Variants in BCAR3 observed in about 807,000 individuals in gnomAD.
BCAR3 encodes the protein breast cancer anti-estrogen resistance protein 3.
In BCAR3, 37 loss-of-function variants were observed where a neutral mutation model predicts 80.1. The ratio of observed to expected loss-of-function variants is 0.46; its 90% confidence interval spans 0.36 to 0.61. The LOEUF (loss-of-function observed/expected upper bound fraction) is 0.61, where lower values mean the gene tolerates loss of function less well. Among genes scored for constraint, BCAR3 ranks in the 20% least tolerant of loss-of-function variants. BCAR3 has a pLI of 0.00. For missense variants in BCAR3, 978 were observed against 1,068.2 expected, an observed-to-expected ratio of 0.92 and a Z score of 1.18; for synonymous variants, 389 against 418.9, an observed-to-expected ratio of 0.93 and a Z score of 0.87.
rs1653750835 is a variant in BCAR3, at chr1:93,809,345, TCAAAA to T, written c.-63+36217_-63+36221del. On this transcript the variant is annotated intron_variant, in intron 2 of 13. Transcript: ENST00000370244. ...TGTTGGAGGTAACCACCAAAAAAAC[TCAAAA>T]CAAAACAAAAATGCTTAAAATTTTC... is the stretch of plus-strand genomic sequence containing the variant. Among the ~76,000 whole-genome samples, 4 of 143,440 alleles carry T rather than the reference TCAAAA, an allele frequency of 2.8e-5. No individual in the cohort carries two copies. The East Asian group carries it at 6.2e-4, about 22-fold the overall frequency. The allele number at this position is 143,440 out of a possible 152,430, so 94.1% of individuals were successfully genotyped here.
At position 93,845,502 on chromosome 1, in the gene BCAR3, A is replaced by ATATATATATATGTCATGTTGTCAAG; in HGVS notation, c.-63+64_-63+65insCTTGACAACATGACATATATATATA. On this transcript the variant is annotated intron_variant, in intron 2 of 13. Transcript: ENST00000370244. The stretch of plus-strand genomic sequence containing the variant: ...TATATATATATATATATATATATAT[A>ATATATATATATGTCATGTTGTCAAG]AAACTTTGTTTACATTAGAGTATAA... 3 of 113,822 alleles carry ATATATATATATGTCATGTTGTCAAG rather than the reference A, an allele frequency of 2.6e-5. 1 individual carries two copies. The highest frequency in any genetic ancestry group is 1.1e-4 in the African/African-American group (3 of 28,374). The allele number at this position is 113,822 out of a possible 1,614,324, so 7.1% of individuals were successfully genotyped here.
At chr1:93,659,025 C>T (rs1647526507) in intron 2 of BCAR3, among the ~76,000 whole-genome samples, 1 of 152,198 alleles carries the variant, frequency 6.6e-6, no homozygotes, top group Admixed American at 6.5e-5. Flanking sequence ...GTGCCCTCCA[C>T]AGGCAAACTG....
chr1:93,728,452 C>A (rs556218263), intron 2 of BCAR3, among the ~76,000 whole-genome samples: 1 of 152,370 alleles, frequency 6.6e-6, no homozygotes, highest in Admixed American at 6.5e-5. Flanking sequence ...AGACCCTCTA[C>A]CCTGTTGCAA....
At chr1:93,839,694 A>G (rs1425287633) in intron 2 of BCAR3, among the ~76,000 whole-genome samples, 1 of 151,380 alleles carries the variant, frequency 6.6e-6, no homozygotes, top group Non-Finnish European at 1.5e-5. Context: ...AAAAGGTCAT[A>G]GTTTCCTCTG....
intron 3 of BCAR3, among the ~76,000 whole-genome samples, chr1:93,615,446 G>A (rs1675087087): frequency 6.6e-6 from 1 of 152,200 alleles, no homozygotes; most frequent in African/African-American, 2.4e-5. Flanking sequence ...CAGCGAGTGT[G>A]GGCGATGACT....
intron 3 of BCAR3, chr1:93,599,820 C>CA (rs1191812736): frequency 6.6e-6 from 1 of 152,266 alleles, no homozygotes; most frequent in Non-Finnish European, 1.5e-5. Flanking sequence ...CTTCTGTCCT[C>CA]ATTACCTGAA....
chr1:93,703,661 T>C (rs1486466980), intron 3 of BCAR3, among the ~76,000 whole-genome samples: 4 of 152,186 alleles, frequency 2.6e-5, no homozygotes, highest in Admixed American at 2.6e-4. Flanking sequence ...TGTAATTTGG[T>C]TTACAGAGTG....
At chr1:93,573,955 T>C (rs1391892117) in intron 8 of BCAR3, among the ~76,000 whole-genome samples, 3 of 152,154 alleles carry the variant, frequency 2.0e-5, no homozygotes, top group East Asian at 1.9e-4. Context: ...TTGGAAGAGT[T>C]TTCTTATCCA....
chr1:93,721,418 TC>T (rs973768171), intron 2 of BCAR3, among the ~76,000 whole-genome samples: 1 of 151,982 alleles, frequency 6.6e-6, no homozygotes, highest in African/African-American at 2.4e-5. Flanking sequence ...AACTCAAATG[TC>T]CCCTCCCCTG....
At chr1:93,619,189 G>A (rs1424706945) in intron 3 of BCAR3, among the ~76,000 whole-genome samples, 6 of 147,822 alleles carry the variant, frequency 4.1e-5, no homozygotes, top group Non-Finnish European at 5.9e-5. Flanking sequence ...CTCGTGATCC[G>A]CCCACCTCGG....
At chr1:93,729,694 G>A (rs1392905306) in intron 2 of BCAR3, among the ~76,000 whole-genome samples, 1 of 152,192 alleles carries the variant, frequency 6.6e-6, no homozygotes, top group African/African-American at 2.4e-5. Context: ...CCAGTCATCA[G>A]GAGGGGTATA....
At chr1:93,783,758 T>C (rs989523220) in intron 2 of BCAR3, among the ~76,000 whole-genome samples, 13 of 152,132 alleles carry the variant, frequency 8.5e-5, no homozygotes, top group Non-Finnish European at 1.9e-4. Flanking sequence ...AGATTGCACT[T>C]CCCCAAAATG....
chr1:93,644,536 T>A (rs1323966677), intron 2 of BCAR3, among the ~76,000 whole-genome samples: 1 of 152,236 alleles, frequency 6.6e-6, no homozygotes, highest in African/African-American at 2.4e-5. Context: ...CTAAAATGTA[T>A]AAAACCAAGC....
rs1475749263 is a variant in BCAR3, at chr1:93,567,304, C to G, written c.2274G>C (p.Arg758=). The change falls in exon 11 of 12, where the codon CGG becomes CGC. Residue 758 remains arginine (R), a synonymous_variant. Coordinates refer to ENST00000260502, the MANE Select transcript of BCAR3 (RefSeq NM_003567.4). Reference sequence around the variant, plus strand: ...CTGCCAGGATCCTCTCAGCATTCATCCGGTAGCTGTCTGCAGCCTCGGCCA... The same window carrying G: ...CTGCCAGGATCCTCTCAGCATTCATGCGGTAGCTGTCTGCAGCCTCGGCCA... ...RFMAEAADSY[R]MNAERILAGF... The G allele has an allele frequency of 1.2e-6, 2 of 1,614,118 alleles. No homozygotes were observed. Among genetic ancestry groups the G allele is most frequent in the Non-Finnish European group, 1.7e-6 (2 of 1,180,028 alleles).
rs532622356 is a variant in BCAR3, at chr1:93,711,136, T to C, written c.-62-4994A>G. Among the ~76,000 whole-genome samples the C allele has an allele frequency of 4.6e-5, 7 of 152,338 alleles. No homozygotes were observed. The South Asian group carries it at 1.5e-3, about 32-fold the overall frequency. On this transcript the variant is annotated intron_variant, in intron 2 of 13. Transcript: ENST00000370244. ...ATAGAAGCTGCAGGCTTTTGTGAAC[T>C]AATATCAGAAGCAACACATCATCCC...
intron 2 of BCAR3, among the ~76,000 whole-genome samples, chr1:93,785,456 T>C (rs996973002): frequency 1.3e-5 from 2 of 152,162 alleles, no homozygotes; most frequent in Non-Finnish European, 2.9e-5. Context: ...TCCAATCTTA[T>C]GATTGTGAAG....
intron 2 of BCAR3, among the ~76,000 whole-genome samples, chr1:93,780,558 T>C (rs1652728890): frequency 8.4e-6 from 1 of 118,832 alleles, no homozygotes; most frequent in Non-Finnish European, 1.6e-5. Context: ...AAACAGGAAG[T>C]GAAGAGGAGA....
In BCAR3 at chr1:93,660,289, G is replaced by A. The variant is rs189948217; in HGVS notation, c.317+14325C>T. Reference sequence around the variant, plus strand: ...ACAGAACTCCCTCAGCAACAGAACAGCACTGCTGCCAGAGCAGCGCCTGGC... The same window carrying A: ...ACAGAACTCCCTCAGCAACAGAACAACACTGCTGCCAGAGCAGCGCCTGGC... On this transcript the variant is annotated intron_variant, in intron 2 of 11. Coordinates refer to ENST00000260502, the MANE Select transcript of BCAR3 (RefSeq NM_003567.4). 1.3e-3 allele frequency among the ~76,000 whole-genome samples: 204 copies of A among 152,336 alleles called. 2 individuals are homozygous for A. Among genetic ancestry groups the A allele is most frequent in the African/African-American group, 4.7e-3 (195 of 41,572 alleles).
At chr1:93,839,608 GGACTGAATCTACATTCTGTTA>G (rs1320151164) in intron 2 of BCAR3, among the ~76,000 whole-genome samples, 1 of 152,134 alleles carries the variant, frequency 6.6e-6, no homozygotes, top group African/African-American at 2.4e-5. Flanking sequence ...CTTTTAGATT[GGACTGAATCTACATTCTGTTA>G]GACACCATTA....
Sources: gnomAD v4.1 joint callset for allele counts (sites outside exome capture counted in the v4.1 genomes callset) on GRCh38, gnomAD v4.1.1 for gene constraint, MANE v1.5 for transcripts, NCBI Gene and HGNC (gene_info 2026-07-23, HGNC 2026-07-21) for gene names.